The following KLHL1 variants were observed in gnomAD, a reference collection of about 807,000 sequenced individuals.
The protein encoded by KLHL1 is kelch like family member 1.
A neutral mutation model predicts 77.7 loss-of-function variants in KLHL1; 47 were observed. The ratio of observed to expected loss-of-function variants is 0.60; its 90% CI spans 0.48 to 0.77. The LOEUF (loss-of-function observed/expected upper bound fraction) is 0.77. Among genes scored for constraint, KLHL1 ranks in the 30% least tolerant of loss-of-function variants. The pLI is 0.00. For missense variants in KLHL1, 925 were observed against 910.8 expected (o/e 1.02, Z -0.20); for synonymous variants, 360 against 325.2 (o/e 1.11, Z -1.15).
chr13:70,039,075 T>TTTG (rs1491451220), intron 1 of KLHL1, among the ~76,000 whole-genome samples: 13 of 118,064 alleles, frequency 1.1e-4, no homozygotes, highest in African/African-American at 4.6e-4. Context: ...TTTTTTTTTT[T>TTTG]GTAATGGACA....
chr13:69,707,612 A>G lies in KLHL1; in HGVS notation c.2187+13T>C. On this transcript the variant is annotated intron_variant, in intron 10 of 10. Transcript: ENST00000377844. ...CTTATCCTTGAAGTGAATTATGCTG[A>G]TGACAATCTTACCTGTGTCCACTCA... 1 of 1,606,450 alleles carries G rather than the reference A, an allele frequency of 6.2e-7. No individual in the cohort carries two copies. The highest frequency in any genetic ancestry group is 8.5e-7 in the Non-Finnish European group (1 of 1,174,996).
chr13:69,764,929 C>CTTTTTTTTT lies in KLHL1; in HGVS notation c.1640-24382_1640-24374dup, dbSNP rs71196263. Among the ~76,000 whole-genome samples, 173 of 39,724 alleles carry CTTTTTTTTT rather than the reference C, an allele frequency of 4.4e-3. 68 individuals carry two copies. The highest frequency in any genetic ancestry group is 6.3e-3 in the East Asian group (5 of 798). The allele number at this position is 39,724 out of a possible 152,430, so 26.1% of individuals were successfully genotyped here. A position where few individuals can be genotyped will look rare whatever the true frequency, so the allele number is the denominator to read the frequency against. ...TCTCATGCTTTCATGTATATCTTTG[C>CTTTTTTTTT]TTTTTTTTTTTTTTTTTTTTTTTTT... On this transcript the variant is annotated intron_variant, in intron 7 of 10. Coordinates refer to ENST00000377844, the MANE Select transcript of KLHL1 (RefSeq NM_020866.3).
chr13:69,731,312 A>C (rs2137914425), intron 8 of KLHL1, among the ~76,000 whole-genome samples: 1 of 152,328 alleles, frequency 6.6e-6, no homozygotes, highest in East Asian at 1.9e-4. Flanking sequence ...AATTACTTTT[A>C]GAAAATTTGC....
intron 1 of KLHL1, among the ~76,000 whole-genome samples, chr13:70,100,571 G>A (rs1053946946): frequency 6.6e-6 from 1 of 152,070 alleles, no homozygotes; most frequent in African/African-American, 2.4e-5. Context: ...TTGACCTCAC[G>A]ATCCACCAAC....
chr13:69,744,950 C>T (rs551728703), intron 7 of KLHL1, among the ~76,000 whole-genome samples: 2 of 152,006 alleles, frequency 1.3e-5, no homozygotes, highest in South Asian at 4.1e-4. Flanking sequence ...TCTTGATGTA[C>T]ATATGAGTTC....
At chr13:69,736,916 A>G (rs1873789722) in intron 8 of KLHL1, among the ~76,000 whole-genome samples, 1 of 152,142 alleles carries the variant, frequency 6.6e-6, no homozygotes, top group South Asian at 2.1e-4. Flanking sequence ...TGGGAAATAG[A>G]AACAGCTCTG....
chr13:70,073,136 G>C (rs959625048), intron 1 of KLHL1, among the ~76,000 whole-genome samples: 1 of 152,006 alleles, frequency 6.6e-6, no homozygotes, highest in African/African-American at 2.4e-5. Flanking sequence ...CACTATTCAC[G>C]ATAGCAGACT....
intron 7 of KLHL1, among the ~76,000 whole-genome samples, chr13:69,795,872 T>C (rs114763796): frequency 0.012 from 1,759 of 152,286 alleles, 35 homozygotes; most frequent in African/African-American, 0.039. Context: ...CTCTAAACGT[T>C]TATTGTCCTC....
chr13:69,862,416 A>G (rs1566338824), intron 5 of KLHL1, among the ~76,000 whole-genome samples: 1 of 152,132 alleles, frequency 6.6e-6, no homozygotes, highest in East Asian at 1.9e-4. Flanking sequence ...ATGGTAAAAC[A>G]TATACTTTAA....
At chr13:69,988,254 T>C (rs1385917619) in intron 1 of KLHL1, among the ~76,000 whole-genome samples, 2 of 152,116 alleles carry the variant, frequency 1.3e-5, no homozygotes, top group Admixed American at 1.3e-4. Context: ...CTAAGAATAA[T>C]GGCCTACAGT....
intron 1 of KLHL1, 90 bp downstream of exon 1, chr13:70,107,113 A>C: frequency 6.6e-7 from 1 of 1,506,360 alleles, no homozygotes; most frequent in East Asian, 2.3e-5. Flanking sequence ...TCAACCTGAA[A>C]CATTTTAGAC....
intron 1 of KLHL1, among the ~76,000 whole-genome samples, chr13:70,099,169 T>G (rs1346837713): frequency 6.6e-6 from 1 of 151,870 alleles, no homozygotes; most frequent in Non-Finnish European, 1.5e-5. Flanking sequence ...TACAATTTAA[T>G]AATACAAATT....
intron 4 of KLHL1, among the ~76,000 whole-genome samples, chr13:69,926,845 G>A (rs1882829644): frequency 6.7e-6 from 1 of 150,074 alleles, no homozygotes; most frequent in Non-Finnish European, 1.5e-5. Context: ...TACTTGGGAG[G>A]CTGAGGCAGG....
intron 1 of KLHL1, among the ~76,000 whole-genome samples, chr13:70,085,967 A>C (rs1887526330): frequency 6.6e-6 from 1 of 152,192 alleles, no homozygotes; most frequent in South Asian, 2.1e-4. Flanking sequence ...TTGCTAAGTA[A>C]AATTTGCTTT....
intron 1 of KLHL1, among the ~76,000 whole-genome samples, chr13:70,050,046 C>A (rs930163912): frequency 4.6e-5 from 7 of 151,610 alleles, no homozygotes; most frequent in Non-Finnish European, 8.8e-5. Flanking sequence ...CAATTTACTG[C>A]CTTAACATTT....
intron 1 of KLHL1, among the ~76,000 whole-genome samples, chr13:70,094,607 A>T (rs1355907107): frequency 6.6e-6 from 1 of 152,114 alleles, no homozygotes; most frequent in East Asian, 1.9e-4. Context: ...AAACCACCAC[A>T]TTGCATACCT....
At chr13:69,870,912 G>A (rs1055042143) in intron 5 of KLHL1, among the ~76,000 whole-genome samples, 12 of 152,062 alleles carry the variant, frequency 7.9e-5, no homozygotes, top group Admixed American at 2.0e-4. Flanking sequence ...CTCAGGGATT[G>A]AAACTGACTG....
intron 7 of KLHL1, among the ~76,000 whole-genome samples, chr13:69,786,751 GA>G (rs1000710869): frequency 4.1e-4 from 62 of 152,292 alleles, no homozygotes; most frequent in African/African-American, 1.3e-3. Context: ...TGTATATCTA[GA>G]AAACCTCACT....
rs999190027 is a variant in KLHL1 at position 69,700,951 on chromosome 13, T to C, written c.*751A>G. The C allele has an allele frequency of 3.9e-5, 6 of 152,320 alleles. No individual in the cohort carries two copies. Among genetic ancestry groups the C allele is most frequent in the African/African-American group, 1.2e-4 (5 of 41,422 alleles). 9.4% of individuals were successfully genotyped at this position (152,320 alleles called of 1,614,324 possible). A position where few individuals can be genotyped will look rare whatever the true frequency, so the allele number is the denominator to read the frequency against. ...AACTCAACATAAGGCAAAAGCCCAA[T>C]AATTACACTGCATCTTTGGCTCAGT... On this transcript the variant is annotated 3_prime_UTR_variant, in exon 11 of 11. Transcript: ENST00000377844.
Sources: allele counts gnomAD v4.1 joint callset (sites outside exome capture counted in the v4.1 genomes callset), GRCh38; gene constraint gnomAD v4.1.1; transcripts MANE v1.5; gene names NCBI Gene and HGNC (gene_info 2026-07-23, HGNC 2026-07-21).